The following SLA variants were observed in gnomAD, a reference collection of about 807,000 sequenced individuals.
The protein encoded by SLA is Src like adaptor.
In SLA, 16 loss-of-function variants were observed where a neutral mutation model predicts 30.3. The observed-to-expected ratio is 0.53, with a 90% CI of 0.36 to 0.80. The LOEUF is 0.80. Ranked by LOEUF, SLA falls within the 30% of genes least tolerant of loss-of-function variation. The probability of loss-of-function intolerance (pLI) is 0.01; values close to 1 mark genes in which losing one functional copy is unlikely to be tolerated. For synonymous variants in SLA, 143 were observed against 137.8 expected, an observed-to-expected ratio of 1.04 and a Z score of -0.26; for missense variants, 310 against 345.2, an observed-to-expected ratio of 0.90 and a Z score of 0.81.
chr8:133,088,062 G>A (rs1240061174), intron 1 of SLA, among the ~76,000 whole-genome samples: 3 of 152,234 alleles, frequency 2.0e-5, no homozygotes, highest in South Asian at 4.1e-4. Flanking sequence ...TAGGATGGTA[G>A]TGGGAGTTTA....
chr8:133,062,838 G>A (rs1022877298), intron 2 of SLA, among the ~76,000 whole-genome samples: 12 of 152,164 alleles, frequency 7.9e-5, no homozygotes, highest in Admixed American at 3.3e-4. Flanking sequence ...CATGTGACAC[G>A]CACAGGGTGT....
chr8:133,059,747 G>A (rs1198852151), intron 3 of SLA, among the ~76,000 whole-genome samples: 2 of 152,186 alleles, frequency 1.3e-5, no homozygotes, highest in Admixed American at 1.3e-4. Flanking sequence ...TTCAGAATTG[G>A]ATGGGCCTGG....
intron 6 of SLA, 35 bp from the exon 7 acceptor site, chr8:133,045,150 C>T (rs758800604): frequency 2.5e-6 from 4 of 1,611,888 alleles, no homozygotes; most frequent in African/African-American, 1.3e-5. Context: ...GTGGGCTCCA[C>T]CTGTCCTCAC....
chr8:133,076,776 A>AC (rs1390250541), intron 1 of SLA: 1 of 142,192 alleles, frequency 7.0e-6, no homozygotes, highest in Non-Finnish European at 1.6e-5. Context: ...AAAAAAAAAA[A>AC]AAACAACTGC....
chr8:133,075,501 T>C (rs1234931957), intron 1 of SLA, among the ~76,000 whole-genome samples: 3 of 152,252 alleles, frequency 2.0e-5, no homozygotes, highest in African/African-American at 7.2e-5. Context: ...TTTGAATATA[T>C]ACTGCACAGT....
Position 133,040,003 on chromosome 8 carries a change from C to T in SLA, c.612G>A (p.Val204=), listed in dbSNP as rs771828887. ...LRQKTVDWRR[V]SRLQEDPEGT... The stretch of plus-strand genomic sequence containing the variant: ...CATACACACACCATACTCACCTGGA[C>T]ACTCTCCTCCAGTCCACAGTCTTCT... Residue 204 remains valine (V), a synonymous_variant, in exon 8 of 9, where the codon GTG becomes GTA. Coordinates refer to ENST00000338087, the MANE Select transcript of SLA (RefSeq NM_001045556.3). 10 of 1,551,582 alleles carry T rather than the reference C, an allele frequency of 6.4e-6. 1 individual carries two copies. The Admixed American group carries it at 1.4e-4, about 21-fold the overall frequency.
Position 133,045,012 on chromosome 8 carries a change from G to A in SLA, c.456C>T (p.Cys152=), listed in dbSNP as rs926772246. The A allele has an allele frequency of 6.2e-7, 1 of 1,614,054 alleles. No homozygotes were observed. The highest frequency in any genetic ancestry group is 8.5e-7 in the Non-Finnish European group (1 of 1,180,006). ...AATAGTGGTTCACCAGGTCCTCCAG[G>A]CACTGGAAGGTGAGCCTCGGGGAAA... ...YYISPRLTFQ[C]LEDLVNHYSE... is the part of the protein sequence containing the mutation. Residue 152 remains cysteine (C), a synonymous_variant, in exon 7 of 9, where the codon TGC becomes TGT. Coordinates refer to ENST00000338087, the MANE Select transcript of SLA (RefSeq NM_001045556.3).
chr8:133,094,144 C>A (rs1028862349), intron 1 of SLA, among the ~76,000 whole-genome samples: 2 of 152,110 alleles, frequency 1.3e-5, no homozygotes, highest in Admixed American at 6.5e-5. Context: ...TCCTCCCAGG[C>A]GGATGACCCA....
intron 1 of SLA, chr8:133,087,834 C>T (rs1240829916): frequency 4.6e-5 from 7 of 152,142 alleles, no homozygotes; most frequent in Non-Finnish European, 1.0e-4. Context: ...CACGTGACCT[C>T]CTCCAGCTGT....
intron 2 of SLA, among the ~76,000 whole-genome samples, chr8:133,061,649 T>TC (rs1427356656): frequency 6.6e-6 from 1 of 151,838 alleles, no homozygotes; most frequent in Non-Finnish European, 1.5e-5. Context: ...CGGAACAGGG[T>TC]CCCCCCATCG....
intron 1 of SLA, among the ~76,000 whole-genome samples, chr8:133,079,625 CAG>C (rs2131516217): frequency 6.6e-6 from 1 of 152,282 alleles, no homozygotes; most frequent in African/African-American, 2.4e-5. Flanking sequence ...CATGCTGGGT[CAG>C]AGTCACAGCT....
rs79936609 is a variant in SLA, at chr8:133,079,897, G to A, written c.-318-4767C>T. Among the ~76,000 whole-genome samples the A allele has an allele frequency of 8.1e-3, 1,230 of 151,812 alleles. 6 individuals are homozygous for A. The highest frequency in any genetic ancestry group is 0.014 in the Non-Finnish European group (921 of 67,960). ...ATCAAACCATATGACCTTCAAGATC[G>A]CATACAAGATAGAAGTTCTCGAGAG... On this transcript the variant is annotated intron_variant, in intron 1 of 8. Coordinates refer to ENST00000338087, the MANE Select transcript of SLA (RefSeq NM_001045556.3).
intron 1 of SLA, among the ~76,000 whole-genome samples, chr8:133,101,067 A>G (rs561302186): frequency 4.6e-5 from 7 of 152,220 alleles, no homozygotes; most frequent in South Asian, 2.1e-4. Context: ...TCTGACCCCA[A>G]TTGCAGGGCA....
chr8:133,052,665 A>T (rs1367078531), intron 3 of SLA, among the ~76,000 whole-genome samples: 1 of 152,254 alleles, frequency 6.6e-6, no homozygotes. Context: ...AAGTTCTCAC[A>T]AAGGGCAGGT....
At chr8:133,092,875 ATACTT>A (rs1362456104) in intron 1 of SLA, among the ~76,000 whole-genome samples, 4 of 152,260 alleles carry the variant, frequency 2.6e-5, no homozygotes, top group Non-Finnish European at 5.9e-5. Flanking sequence ...TTTAAACAAA[ATACTT>A]TAAGAGAAAG....
chr8:133,076,665 A>C (rs138001717), intron 1 of SLA: 1,738 of 151,844 alleles, frequency 0.011, 15 homozygotes, highest in Non-Finnish European at 0.018. Context: ...CCAAGAAAGA[A>C]TCTAGTACAG....
chr8:133,044,953 T>C, intron 7 of SLA, 31 bp downstream of exon 7: 1 of 1,612,316 alleles, frequency 6.2e-7, no homozygotes, highest in Admixed American at 1.7e-5. Flanking sequence ...GGTCCCACCA[T>C]CACAATCACT....
chr8:133,085,850 C>T (rs1202718462), intron 1 of SLA, among the ~76,000 whole-genome samples: 1 of 152,130 alleles, frequency 6.6e-6, no homozygotes, highest in Non-Finnish European at 1.5e-5. Context: ...TTCATGTGAC[C>T]TAGCAATTCC....
intron 1 of SLA, among the ~76,000 whole-genome samples, chr8:133,093,900 G>A (rs1847985192): frequency 6.6e-6 from 1 of 152,182 alleles, no homozygotes; most frequent in Non-Finnish European, 1.5e-5. Flanking sequence ...CTGATGAGCT[G>A]AAATAGGGAA....
Sources: allele counts gnomAD v4.1 joint callset (sites outside exome capture counted in the v4.1 genomes callset), GRCh38; gene constraint gnomAD v4.1.1; transcripts MANE v1.5; gene names NCBI Gene and HGNC (gene_info 2026-07-23, HGNC 2026-07-21).